The following CALM3 variants were observed in gnomAD, a reference collection of about 807,000 sequenced individuals.
CALM3 encodes calmodulin-3.
CALM3 carries 5 observed loss-of-function variants against 20.1 expected under a neutral mutation model. That is an observed-to-expected ratio of 0.25 (90% CI 0.13 to 0.52). The LOEUF is 0.52. Among genes scored for constraint, CALM3 ranks in the 20% least tolerant of loss-of-function variants. The pLI is 0.96. For synonymous variants in CALM3, 69 were observed against 68.1 expected (o/e 1.01, Z -0.06); for missense variants, 57 against 192.8 (o/e 0.30, Z 4.17).
intron 5 of CALM3, 54 bp from the exon 6 acceptor site, chr19:46,609,071 G>T: frequency 2.5e-6 from 4 of 1,612,600 alleles, no homozygotes; most frequent in Non-Finnish European, 3.4e-6. Context: ...GGGGAGGGCC[G>T]CTCGCCACTT....
In CALM3 at chr19:46,609,789, ACACT is replaced by A. The variant is rs1211813954; in HGVS notation, c.*640_*643del. The A allele has an allele frequency of 6.5e-6, 1 of 153,298 alleles. No homozygotes were observed. The highest frequency in any genetic ancestry group is 1.5e-5 in the Non-Finnish European group (1 of 68,618). 9.5% of individuals were successfully genotyped at this position (153,298 alleles called of 1,614,324 possible). A position where few individuals can be genotyped will look rare whatever the true frequency, so the allele number is the denominator to read the frequency against. ...CACAGAAGGGGACTGACAGTGGGCA[ACACT>A]CACATCCCACTGGCTGCTGTTCTGA... is the stretch of plus-strand genomic sequence containing the variant. On this transcript the variant is annotated 3_prime_UTR_variant, in exon 6 of 6. Coordinates refer to ENST00000291295, the MANE Select transcript of CALM3 (RefSeq NM_005184.4).
At chr19:46,601,150 G>A, upstream of CALM3, 3 of 612,882 alleles carry the variant, frequency 4.9e-6, no homozygotes, top group Non-Finnish European at 8.1e-6. This position sits in a 1 kb window ranked among gnomAD's most constrained non-coding sequence, Gnocchi z 4.2. Context: ...TGTGCAGGGT[G>A]GGGACGAGAG....
At chr19:46,603,490 G>C (rs1433599708) in intron 1 of CALM3, among the ~76,000 whole-genome samples, 1 of 152,200 alleles carries the variant, frequency 6.6e-6, no homozygotes, top group South Asian at 2.1e-4. Context: ...TTGGCTGGGG[G>C]CTGGGGCAAG....
chr19:46,603,672 G>C (rs1274906590), intron 1 of CALM3, among the ~76,000 whole-genome samples: 1 of 152,216 alleles, frequency 6.6e-6, no homozygotes, highest in Non-Finnish European at 1.5e-5. Flanking sequence ...GAAACCTTGA[G>C]CAAGGATCAA....
At position 46,609,212 on chromosome 19, in the gene CALM3, A is replaced by G. The variant is rs1007562909; in HGVS notation, c.*59A>G. The G allele has an allele frequency of 2.6e-6, 4 of 1,544,734 alleles. No individual in the cohort carries two copies. The African/African-American group carries it at 5.5e-5, about 21-fold the overall frequency. On this transcript the variant is annotated 3_prime_UTR_variant, in exon 6 of 6. Coordinates refer to ENST00000291295, the MANE Select transcript of CALM3 (RefSeq NM_005184.4). ...TTGATCTCTCTCTTCTCGCGCGCGCACTCTCTCTTCAACACTCCCCTGCGT... is the reference window on the plus strand; with the variant it reads ...TTGATCTCTCTCTTCTCGCGCGCGCGCTCTCTCTTCAACACTCCCCTGCGT...
chr19:46,602,395 G>T (rs1027282158), intron 1 of CALM3, among the ~76,000 whole-genome samples: 2 of 151,218 alleles, frequency 1.3e-5, no homozygotes, highest in African/African-American at 4.9e-5. Context: ...GGTGAGGGGT[G>T]GGGGAGGACT....
intron 1 of CALM3, chr19:46,602,708 T>C (rs1400278790): frequency 6.3e-6 from 1 of 158,578 alleles, no homozygotes; most frequent in Non-Finnish European, 1.4e-5. Flanking sequence ...AGATCAAAGT[T>C]TGGGGTGCCT....
intron 1 of CALM3, among the ~76,000 whole-genome samples, chr19:46,604,072 G>A (rs1185404664): frequency 6.6e-6 from 1 of 152,120 alleles, no homozygotes; most frequent in Non-Finnish European, 1.5e-5. Flanking sequence ...CTAGGCCAGG[G>A]GAAAGAATGA....
At chr19:46,603,254 T>C (rs1338524175) in intron 1 of CALM3, among the ~76,000 whole-genome samples, 1 of 152,214 alleles carries the variant, frequency 6.6e-6, no homozygotes, top group Non-Finnish European at 1.5e-5. Context: ...CAGCAGAACC[T>C]GGCTAAAAGG....
In CALM3 at chr19:46,606,705, C is replaced by T. The variant is rs989734739; in HGVS notation, c.34+848C>T. ...GATCCCATCTAATTCATTTTTCTAACCCCTCCAAAACCCCAGAAGGGTCAG... is the reference window on the plus strand; with the variant it reads ...GATCCCATCTAATTCATTTTTCTAATCCCTCCAAAACCCCAGAAGGGTCAG... On this transcript the variant is annotated intron_variant, in intron 2 of 5. Transcript: ENST00000291295. Among the ~76,000 whole-genome samples, 6 of 152,298 alleles carry T rather than the reference C, an allele frequency of 3.9e-5. No individual in the cohort carries two copies. In the South Asian group the frequency reaches 1.2e-3, roughly 32 times the overall value.
At position 46,608,899 on chromosome 19, in the gene CALM3, G is replaced by A. The variant is rs143699789; in HGVS notation, c.339G>A (p.Leu113=). 1.9e-6 allele frequency: 3 copies of A among 1,606,786 alleles called. No homozygotes were observed. The African/African-American group carries it at 4.0e-5, about 21-fold the overall frequency. ...AAELRHVMTN[L]GEKLTDEEVD... is the part of the protein sequence containing the mutation. The stretch of plus-strand genomic sequence containing the variant: ...AGCTGCGTCACGTAATGACGAACCT[G>A]GGGGAGAAGCTGACCGATGAGGAGG... The change falls in exon 5 of 6, where the codon CTG becomes CTA. Residue 113 remains leucine (L), a synonymous_variant. Transcript: ENST00000291295. The surrounding 1 kb of genome is among the most constrained non-coding windows in gnomAD (Gnocchi z 5.5).
intron 2 of CALM3, among the ~76,000 whole-genome samples, chr19:46,606,984 G>A (rs192928930): frequency 4.6e-4 from 70 of 152,252 alleles, no homozygotes; most frequent in African/African-American, 1.6e-3. Context: ...GAACGGACTT[G>A]CCTTCTCTCC....
chr19:46,609,070 C>T lies in CALM3; in HGVS notation c.422-55C>T, dbSNP rs372521150. 5.8e-4 allele frequency: 928 copies of T among 1,613,238 alleles called. 1 individual carries two copies. The highest frequency in any genetic ancestry group is 1.0e-3 in the East Asian group (45 of 44,850). ...CCAGATCCCTCTTGTTGGGGAGGGC[C>T]GCTCGCCACTTAGCCTGCCCGCCTG... On this transcript the variant is annotated intron_variant, in intron 5 of 5. Transcript: ENST00000291295.
intron 1 of CALM3, chr19:46,602,171 C>T (rs764222908): frequency 6.6e-5 from 89 of 1,350,526 alleles, no homozygotes; most frequent in African/African-American, 5.2e-4. Context: ...GCTTCCGGGA[C>T]GGAGAAGGAT....
chr19:46,601,116 G>A, upstream of CALM3: 1 of 811,656 alleles, frequency 1.2e-6, no homozygotes, highest in Non-Finnish European at 1.9e-6. This position sits in a 1 kb window ranked among gnomAD's most constrained non-coding sequence, Gnocchi z 4.2. Context: ...GAGCGCGCGC[G>A]CGCCCGGCGG....
intron 2 of CALM3, among the ~76,000 whole-genome samples, chr19:46,606,942 A>G (rs570028199): frequency 6.6e-5 from 10 of 152,262 alleles, no homozygotes; most frequent in African/African-American, 2.2e-4. Context: ...TGTAACAAGT[A>G]CTAAAGGCCC....
intron 2 of CALM3, among the ~76,000 whole-genome samples, chr19:46,607,233 G>C (rs1971760745): frequency 6.6e-6 from 1 of 152,066 alleles, no homozygotes; most frequent in Non-Finnish European, 1.5e-5. Context: ...AGAGGCTCAG[G>C]GCCACAGCTT....
intron 1 of CALM3, chr19:46,602,036 G>A (rs1368804313): frequency 1.7e-6 from 2 of 1,209,148 alleles, no homozygotes; most frequent in East Asian, 5.6e-5. Context: ...CCCGAGGGTG[G>A]GGGAGGGTGG....
upstream of CALM3, chr19:46,601,142 T>G: frequency 3.1e-6 from 2 of 640,586 alleles, no homozygotes; most frequent in Non-Finnish European, 2.6e-6. This position sits in a 1 kb window ranked among gnomAD's most constrained non-coding sequence, Gnocchi z 4.2. Flanking sequence ...CCAATTCCTG[T>G]GCAGGGTGGG....
Sources: gnomAD v4.1 joint callset for allele counts (sites outside exome capture counted in the v4.1 genomes callset) on GRCh38, gnomAD v4.1.1 for gene constraint, Gnocchi (gnomAD v3.1) non-coding constraint, MANE v1.5 for transcripts, NCBI Gene and HGNC (gene_info 2026-07-23, HGNC 2026-07-21) for gene names.